The following SLC12A7 variants were observed in gnomAD, a reference collection of about 807,000 sequenced individuals.
The protein encoded by SLC12A7 is solute carrier family 12 member 7.
SLC12A7 carries 100 observed loss-of-function variants against 120.6 expected under a neutral mutation model. The ratio of observed to expected loss-of-function variants is 0.83; its 90% CI spans 0.71 to 0.98. The LOEUF is 0.98. Among genes scored for constraint, SLC12A7 ranks in the 50% least tolerant of loss-of-function variants. SLC12A7 has a pLI of 0.00. For missense variants in SLC12A7, 1,373 were observed against 1,548.1 expected (o/e 0.89, Z 1.90); for synonymous variants, 760 against 678.0 (o/e 1.12, Z -1.88).
At chr5:1,070,070 CG>C (rs573809275) in intron 17 of SLC12A7, among the ~76,000 whole-genome samples, 123 of 11,570 alleles carry the variant, frequency 0.011, 18 homozygotes, top group African/African-American at 0.028. Context: ...CCCCAGCACA[CG>C]GGCATCACAC....
rs543250326 is a variant in SLC12A7, at chr5:1,099,723, C to T, written c.125-5475G>A. 1.1e-4 allele frequency among the ~76,000 whole-genome samples: 17 copies of T among 152,352 alleles called. No homozygotes were observed. In the South Asian group the frequency reaches 3.3e-3, roughly 30 times the overall value. Reference sequence around the variant, plus strand: ...TCACATTGTACATCACAGCCGTGGCCTGCCCACCACAGCTTAGAAAGGCTG... The same window carrying T: ...TCACATTGTACATCACAGCCGTGGCTTGCCCACCACAGCTTAGAAAGGCTG... On this transcript the variant is annotated intron_variant, in intron 1 of 23. Transcript: ENST00000264930.
Position 1,053,407 on chromosome 5 carries a change from C to T in SLC12A7, c.3102G>A (p.Ala1034=), listed in dbSNP as rs142760877. ...NGVVLNKSQD[A]QLVLLNMPGP... ...CTGGCATGTTGAGCAGGACCAGCTG[C>T]GCATCCTGGGACTTGTTGAGGACGA... Residue 1034 remains alanine, a synonymous_variant, in exon 23 of 24, where the codon GCG becomes GCA. Transcript: ENST00000264930. 7.2e-5 allele frequency: 117 copies of T among 1,614,016 alleles called. No homozygotes were observed. The East Asian group carries it at 1.1e-3, about 15-fold the overall frequency.
chr5:1,078,838 T>TGGGGGGGGG, intron 10 of SLC12A7, 80 bp from the exon 11 acceptor site: 1 of 21,870 alleles, frequency 4.6e-5, no homozygotes, highest in South Asian at 7.5e-4. Context: ...TGGGGTGGGG[T>TGGGGGGGGG]GGGTGGGGAG....
At chr5:1,099,775 C>T (rs1043251640) in intron 1 of SLC12A7, among the ~76,000 whole-genome samples, 2 of 152,216 alleles carry the variant, frequency 1.3e-5, no homozygotes, top group Non-Finnish European at 2.9e-5. Flanking sequence ...TTGCGCCAAG[C>T]TCATGGTCTC....
At chr5:1,093,404 G>T in intron 3 of SLC12A7, 129 bp downstream of exon 3, 1 of 933,600 alleles carries the variant, frequency 1.1e-6, no homozygotes, top group Non-Finnish European at 1.6e-6. Flanking sequence ...AGGAAGAAAG[G>T]GCTGGACGTG....
intron 1 of SLC12A7, among the ~76,000 whole-genome samples, chr5:1,107,163 G>A (rs746318292): frequency 5.3e-5 from 8 of 152,076 alleles, no homozygotes; most frequent in East Asian, 1.9e-4. Context: ...TAATACTCAC[G>A]CTTTACTCTC....
chr5:1,065,503 G>A, intron 17 of SLC12A7, 25 bp from the exon 18 acceptor site: 5 of 1,537,890 alleles, frequency 3.3e-6, no homozygotes, highest in Non-Finnish European at 4.4e-6. Flanking sequence ...ACAGGTTGGT[G>A]CTACAGCAGG....
At chr5:1,066,662 G>C (rs1440214989) in intron 17 of SLC12A7, among the ~76,000 whole-genome samples, 2 of 152,228 alleles carry the variant, frequency 1.3e-5, no homozygotes, top group African/African-American at 4.8e-5. Flanking sequence ...TCCTGGGTCA[G>C]AGGTGGGCCC....
intron 7 of SLC12A7, among the ~76,000 whole-genome samples, chr5:1,084,474 C>T (rs967406533): frequency 2.6e-5 from 4 of 152,206 alleles, no homozygotes; most frequent in African/African-American, 7.2e-5. Flanking sequence ...CCTCGTGCCA[C>T]GTGCCAACGG....
chr5:1,128,730 T>C, the SLC12A7 span, among the ~76,000 whole-genome samples: 1 of 152,200 alleles, frequency 6.6e-6, no homozygotes, highest in Non-Finnish European at 1.5e-5. Flanking sequence ...TGTGTGCATG[T>C]ATGTGTGCGT....
chr5:1,074,817 C>T (rs1738141349), intron 15 of SLC12A7, 146 bp from the exon 16 acceptor site: 2 of 705,408 alleles, frequency 2.8e-6, no homozygotes, highest in Non-Finnish European at 2.4e-6. Flanking sequence ...GCCTCCATGC[C>T]CACCCTTGCC....
chr5:1,112,033 G>C lies in SLC12A7; in HGVS notation c.-42C>G. On this transcript the variant is annotated 5_prime_UTR_variant, in exon 1 of 24. Coordinates refer to ENST00000264930, the MANE Select transcript of SLC12A7 (RefSeq NM_006598.3). ...CAGTCCCCGTCCCGGCCCGGCCCGC[G>C]CTGCGCCGCTCCCGCCGACGCCACG... 1.6e-6 allele frequency: 2 copies of C among 1,226,688 alleles called. No homozygotes were observed. Among genetic ancestry groups the C allele is most frequent in the Non-Finnish European group, 2.0e-6 (2 of 982,980 alleles). The allele number at this position is 1,226,688 out of a possible 1,614,324, so 76.0% of individuals were successfully genotyped here.
chr5:1,094,700 A>G (rs905751872), intron 1 of SLC12A7, among the ~76,000 whole-genome samples: 1 of 152,190 alleles, frequency 6.6e-6, no homozygotes, highest in Admixed American at 6.5e-5. Flanking sequence ...CTCACTCTTA[A>G]AAGTCGGGGT....
At chr5:1,122,850 T>C in the SLC12A7 span, among the ~76,000 whole-genome samples, 1 of 152,268 alleles carries the variant, frequency 6.6e-6, no homozygotes, top group Non-Finnish European at 1.5e-5. Flanking sequence ...ATTCCCCCTA[T>C]GTAGTGATGG....
At chr5:1,142,792 T>C in the SLC12A7 span, among the ~76,000 whole-genome samples, 1 of 76,272 alleles carries the variant, frequency 1.3e-5, no homozygotes, top group African/African-American at 4.7e-5. Flanking sequence ...GACCATCAGC[T>C]GCCCCCCCCA....
chr5:1,129,151 G>A, the SLC12A7 span, among the ~76,000 whole-genome samples: 1 of 151,510 alleles, frequency 6.6e-6, no homozygotes, highest in African/African-American at 2.4e-5. Flanking sequence ...GCCAGGCCAG[G>A]GGGACAGCCA....
the SLC12A7 span, among the ~76,000 whole-genome samples, chr5:1,132,261 C>G: frequency 6.6e-6 from 1 of 152,142 alleles, no homozygotes; most frequent in African/African-American, 2.4e-5. Flanking sequence ...GGGAAGCTAC[C>G]CTCTATGGCC....
chr5:1,076,773 C>T lies in SLC12A7; in HGVS notation c.1669G>A (p.Ala557Thr), dbSNP rs1478042157. Residue 557 changes from alanine (A) to threonine (T), a missense_variant, in exon 13 of 24, where the codon GCG becomes ACG. Ala to Thr is a moderately conservative substitution (Grantham distance 58). Transcript: ENST00000264930. ...CAGATGAGGACTGTCAGCAGCAGCG[C>T]CCACGTGGGCTCCCCGTTGGCCTTC... Reference protein sequence around the residue: ...HGKANGEPTWALLLTVLICET... With the variant: ...HGKANGEPTWTLLLTVLICET... 1 of 1,611,140 alleles carries T rather than the reference C, an allele frequency of 6.2e-7. No homozygotes were observed. Among genetic ancestry groups the T allele is most frequent in the Non-Finnish European group, 8.5e-7 (1 of 1,179,936 alleles).
Position 1,085,412 on chromosome 5 carries a change from G to C in SLC12A7, c.737C>G (p.Ala246Gly), listed in dbSNP as rs1443148920. Residue 246 changes from alanine (A) to glycine (G), a missense_variant, in exon 7 of 24, where the codon GCC becomes GGC. Physicochemically the swap from Ala to Gly is moderately conservative, Grantham distance 60. Transcript: ENST00000264930. Reference protein sequence around the residue: ...QAEAAGGEAAAMLHNMRVYGT... With the variant: ...QAEAAGGEAAGMLHNMRVYGT... ...GTACACACGCATGTTGTGCAGCATG[G>C]CGGCCGCCTCGCCACCTGCAGCCTC... 6.2e-7 allele frequency: 1 copy of C among 1,610,116 alleles called. No individual in the cohort carries two copies.
Sources: gnomAD v4.1 joint callset for allele counts (sites outside exome capture counted in the v4.1 genomes callset) on GRCh38, gnomAD v4.1.1 for gene constraint, MANE v1.5 for transcripts, NCBI Gene and HGNC (gene_info 2026-07-23, HGNC 2026-07-21) for gene names.